Variants in ARFGEF2 observed in about 807,000 individuals in gnomAD.
The protein encoded by ARFGEF2 is ARF guanine nucleotide exchange factor 2, also known as brefeldin A-inhibited guanine nucleotide-exchange protein 2.
A neutral mutation model predicts 219.9 loss-of-function variants in ARFGEF2; 74 were observed. That is an observed-to-expected ratio of 0.34 (90% CI 0.28 to 0.41). The LOEUF is 0.41. Ranked by LOEUF, ARFGEF2 falls within the 10% of genes least tolerant of loss-of-function variation. The probability of loss-of-function intolerance (pLI) is 1.00; values close to 1 mark genes in which losing one functional copy is unlikely to be tolerated. For missense variants in ARFGEF2, 1,743 were observed against 2,218.3 expected, an observed-to-expected ratio of 0.79 and a Z score of 4.30; for synonymous variants, 733 against 799.2, an observed-to-expected ratio of 0.92 and a Z score of 1.40.
chr20:48,937,643 A>G (rs1001328696), intron 1 of ARFGEF2, among the ~76,000 whole-genome samples: 3 of 152,210 alleles, frequency 2.0e-5, no homozygotes, highest in African/African-American at 7.2e-5. Context: ...AGAAAACCAA[A>G]GAAAATCTGT....
chr20:49,020,186 T>C (rs1213502928), intron 34 of ARFGEF2, among the ~76,000 whole-genome samples: 1 of 152,190 alleles, frequency 6.6e-6, no homozygotes, highest in Non-Finnish European at 1.5e-5. Context: ...CCTTTGAAAG[T>C]TGTGTGCCCC....
chr20:48,939,301 T>G (rs987223138), intron 1 of ARFGEF2, among the ~76,000 whole-genome samples: 10 of 152,150 alleles, frequency 6.6e-5, no homozygotes, highest in Admixed American at 2.0e-4. Context: ...CAGATTGTTT[T>G]AGAGCTCACA....
At chr20:48,984,985 G>C in intron 15 of ARFGEF2, 145 bp downstream of exon 15, 1 of 1,446,474 alleles carries the variant, frequency 6.9e-7, no homozygotes, top group Non-Finnish European at 9.4e-7. Flanking sequence ...GTCCACCCCC[G>C]GGTTACAGCA....
intron 34 of ARFGEF2, among the ~76,000 whole-genome samples, chr20:49,021,029 T>G (rs2091562260): frequency 6.6e-6 from 1 of 152,156 alleles, no homozygotes; most frequent in Non-Finnish European, 1.5e-5. Flanking sequence ...ATAAGTTGAA[T>G]GTACATCTTC....
chr20:48,955,863 A>G (rs559468254), intron 6 of ARFGEF2, among the ~76,000 whole-genome samples: 84 of 152,336 alleles, frequency 5.5e-4, no homozygotes, highest in African/African-American at 1.9e-3. Flanking sequence ...ACTTGAGGCC[A>G]GGAGTTTGAG....
Position 48,976,082 on chromosome 20 carries a change from GTGTGACGTCCA to G in ARFGEF2, c.1844_1854del (p.Val615GlyfsTer15). 6.2e-7 allele frequency: 1 copy of G among 1,613,384 alleles called. No individual in the cohort carries two copies. Among genetic ancestry groups the G allele is most frequent in the South Asian group, 1.1e-5 (1 of 91,054 alleles). On this transcript the variant is annotated frameshift_variant, in exon 14 of 39. Transcript: ENST00000371917. LOFTEE classifies it high-confidence loss of function. ...GGCCTTGACATGGCAAGACGGTGTA[GTGTGACGTCCA>G]TGGAGTCCACAGTGTCCTCGGGGAC...
In ARFGEF2 at chr20:49,035,590, C is replaced by T. The variant is rs1706314849; in HGVS notation, c.*2391C>T. 6.6e-6 allele frequency: 1 copy of T among 152,172 alleles called. No individual in the cohort carries two copies. The highest frequency in any genetic ancestry group is 1.5e-5 in the Non-Finnish European group (1 of 68,050). 9.4% of individuals were successfully genotyped at this position (152,172 alleles called of 1,614,324 possible). On this transcript the variant is annotated 3_prime_UTR_variant, in exon 39 of 39. Transcript: ENST00000371917. ...AAATGTGGCTTGTGCCACTCAAACACTAGTGAAAGGGTATGTACAACCGCA... is the reference window on the plus strand; with the variant it reads ...AAATGTGGCTTGTGCCACTCAAACATTAGTGAAAGGGTATGTACAACCGCA...
chr20:48,947,612 G>A (rs1052610112), intron 3 of ARFGEF2, among the ~76,000 whole-genome samples: 2 of 151,952 alleles, frequency 1.3e-5, no homozygotes, highest in African/African-American at 4.8e-5. Flanking sequence ...TGTAATCCCA[G>A]CACTTTGGAA....
intron 1 of ARFGEF2, 111 bp from the exon 2 acceptor site, chr20:48,941,088 T>C: frequency 1.0e-6 from 1 of 992,856 alleles, no homozygotes; most frequent in Non-Finnish European, 1.6e-6. Context: ...TTTTTGTATT[T>C]AAACATCTCG....
intron 36 of ARFGEF2, among the ~76,000 whole-genome samples, chr20:49,027,024 A>G (rs1474977454): frequency 6.6e-6 from 1 of 151,862 alleles, no homozygotes; most frequent in Non-Finnish European, 1.5e-5. Context: ...AGTCGTTTGC[A>G]TATCTCTTAA....
chr20:49,020,654 C>T (rs2091560020), intron 34 of ARFGEF2, among the ~76,000 whole-genome samples: 1 of 152,176 alleles, frequency 6.6e-6, no homozygotes, highest in Non-Finnish European at 1.5e-5. Flanking sequence ...CTTTGTTGCC[C>T]AGGCTGGTCT....
Position 49,025,380 on chromosome 20 carries a change from C to T in ARFGEF2, c.4823C>T (p.Ser1608Phe), listed in dbSNP as rs1218659570. The T allele has an allele frequency of 1.2e-6, 2 of 1,614,044 alleles. No homozygotes were observed. Among genetic ancestry groups the T allele is most frequent in the Non-Finnish European group, 1.7e-6 (2 of 1,179,972 alleles). The change falls in exon 36 of 39, where the codon TCC (serine) becomes TTC (phenylalanine). Residue 1608 changes from serine to phenylalanine, a missense_variant. By Grantham distance (155) the Ser-to-Phe change is radical (BLOSUM62 -2). Transcript: ENST00000371917. ...EDQGMYKYMS[S>F]QHLFKLLDCL... Reference sequence around the variant, plus strand: ...CAGGGCATGTATAAGTACATGTCTTCCCAGCACCTCTTCAAGCTGTTGGAC... The same window carrying T: ...CAGGGCATGTATAAGTACATGTCTTTCCAGCACCTCTTCAAGCTGTTGGAC...
At chr20:48,980,904 A>G (rs1039277344) in intron 14 of ARFGEF2, among the ~76,000 whole-genome samples, 4 of 152,176 alleles carry the variant, frequency 2.6e-5, no homozygotes, top group East Asian at 1.9e-4. Flanking sequence ...TCTCCTGAAT[A>G]TAGCACACTG....
intron 10 of ARFGEF2, among the ~76,000 whole-genome samples, chr20:48,972,005 ATTGT>A (rs1264934689): frequency 6.6e-6 from 1 of 152,208 alleles, no homozygotes; most frequent in South Asian, 2.1e-4. Flanking sequence ...TGGTCTGTAA[ATTGT>A]TTGAAATCAT....
At chr20:48,975,897 A>G in intron 13 of ARFGEF2, 119 bp from the exon 14 acceptor site, 1 of 863,004 alleles carries the variant, frequency 1.2e-6, no homozygotes, top group Non-Finnish European at 1.9e-6. Flanking sequence ...TATAATCCTT[A>G]TAGTATTGAC....
intron 25 of ARFGEF2, among the ~76,000 whole-genome samples, chr20:49,001,738 A>G (rs973658720): frequency 6.6e-6 from 1 of 152,084 alleles, no homozygotes; most frequent in Non-Finnish European, 1.5e-5. Context: ...TATTCTTACT[A>G]GTTTGTTGTA....
chr20:49,022,411 AAACAAC>A (rs137874820), intron 34 of ARFGEF2, among the ~76,000 whole-genome samples: 39 of 140,044 alleles, frequency 2.8e-4, no homozygotes, highest in Non-Finnish European at 5.5e-4. Flanking sequence ...TCTATTTAAA[AAACAAC>A]AACAACAACA....
intron 37 of ARFGEF2, among the ~76,000 whole-genome samples, chr20:49,030,876 C>T (rs1274253790): frequency 6.6e-6 from 1 of 152,104 alleles, no homozygotes; most frequent in Non-Finnish European, 1.5e-5. Context: ...CCTGTAATCC[C>T]AGCTACTCGG....
At chr20:48,970,377 G>A (rs1179904004) in intron 9 of ARFGEF2, among the ~76,000 whole-genome samples, 1 of 152,038 alleles carries the variant, frequency 6.6e-6, no homozygotes, top group Non-Finnish European at 1.5e-5. Context: ...TTGGGAGGCC[G>A]AGGCGGGCGG....
Sources: allele counts gnomAD v4.1 joint callset (sites outside exome capture counted in the v4.1 genomes callset), GRCh38; gene constraint gnomAD v4.1.1; transcripts MANE v1.5; gene names NCBI Gene and HGNC (gene_info 2026-07-23, HGNC 2026-07-21).